HIRA: variants seen among roughly 807,000 people sequenced by gnomAD.
HIRA encodes histone cell cycle regulator.
HIRA carries 13 observed loss-of-function variants against 126.6 expected under a neutral mutation model. The ratio of observed to expected loss-of-function variants is 0.10; its 90% CI spans 0.07 to 0.16. The LOEUF (loss-of-function observed/expected upper bound fraction) is 0.16. Among genes scored for constraint, HIRA ranks in the 10% least tolerant of loss-of-function variants. The probability of loss-of-function intolerance (pLI) is 1.00; values close to 1 mark genes in which losing one functional copy is unlikely to be tolerated. For missense variants in HIRA, 834 were observed against 1,314.4 expected, an observed-to-expected ratio of 0.63 and a Z score of 5.65; for synonymous variants, 511 against 520.0, an observed-to-expected ratio of 0.98 and a Z score of 0.24.
At position 19,330,960 on chromosome 22, in the gene HIRA, G is replaced by A. The variant is rs909645350; in HGVS notation, c.*480C>T. On this transcript the variant is annotated 3_prime_UTR_variant, in exon 25 of 25. Transcript: ENST00000263208. ...AAAGGAAATTCAATATTACAAGTTA[G>A]CAAATTCTAGTACAAAAATAGTCCG... is the stretch of plus-strand genomic sequence containing the variant. The A allele has an allele frequency of 4.2e-5, 11 of 264,332 alleles. No homozygotes were observed. Among genetic ancestry groups the A allele is most frequent in the African/African-American group, 2.4e-4 (11 of 45,040 alleles). 16.4% of individuals were successfully genotyped at this position (264,332 alleles called of 1,614,324 possible).
intron 5 of HIRA, chr22:19,399,178 G>T (rs887584367): frequency 3.0e-6 from 3 of 984,928 alleles, no homozygotes; most frequent in African/African-American, 1.7e-5. Context: ...TCTAACCTCA[G>T]CGCCTGGTGC....
At chr22:19,332,079 C>T (rs2088495428) in intron 24 of HIRA, among the ~76,000 whole-genome samples, 1 of 152,192 alleles carries the variant, frequency 6.6e-6, no homozygotes, top group Non-Finnish European at 1.5e-5. Flanking sequence ...GCTTAGTTGC[C>T]TAAACATCCT....
At chr22:19,427,480 C>T (rs943143499) in intron 1 of HIRA, among the ~76,000 whole-genome samples, 3 of 152,186 alleles carry the variant, frequency 2.0e-5, no homozygotes, top group Non-Finnish European at 4.4e-5. Context: ...ATGCTGATGT[C>T]TCAGTAGGAC....
chr22:19,401,330 A>G (rs1569307925), intron 5 of HIRA, among the ~76,000 whole-genome samples: 1 of 152,098 alleles, frequency 6.6e-6, no homozygotes, highest in Non-Finnish European at 1.5e-5. Flanking sequence ...GGGTCTCGCT[A>G]TGATGCCCAG....
At chr22:19,358,196 C>T (rs1429173603) in intron 18 of HIRA, among the ~76,000 whole-genome samples, 1 of 152,134 alleles carries the variant, frequency 6.6e-6, no homozygotes, top group Non-Finnish European at 1.5e-5. Context: ...GATGGGGTTT[C>T]AATATGTTGG....
chr22:19,366,508 T>G (rs1210308219), intron 15 of HIRA, among the ~76,000 whole-genome samples: 52 of 152,232 alleles, frequency 3.4e-4, no homozygotes, highest in Non-Finnish European at 1.5e-5. Flanking sequence ...AACAAGAGTT[T>G]GGAAGAAGCG....
chr22:19,373,563 G>C (rs1399292002), intron 15 of HIRA, among the ~76,000 whole-genome samples: 1 of 152,148 alleles, frequency 6.6e-6, no homozygotes, highest in African/African-American at 2.4e-5. Context: ...ATTAGACCAG[G>C]ATTTCGTTTG....
chr22:19,416,542 G>C (rs2089400491), intron 1 of HIRA, among the ~76,000 whole-genome samples: 1 of 152,088 alleles, frequency 6.6e-6, no homozygotes, highest in Non-Finnish European at 1.5e-5. Context: ...GTTTCACCAT[G>C]TTGCCCAGAC....
chr22:19,407,967 T>C (rs745383353), intron 3 of HIRA, among the ~76,000 whole-genome samples: 2 of 152,070 alleles, frequency 1.3e-5, no homozygotes, highest in Non-Finnish European at 2.9e-5. Flanking sequence ...CTGAGAGGCA[T>C]GTTGAGAGGA....
In HIRA at chr22:19,390,097, G is replaced by A. The variant is rs369331336; in HGVS notation, c.937-1543C>T. ...CAAGACTGCTCCCTGCACTGCATGCGGAGGTGTCTCTTACCACACAGTCAG... is the reference window on the plus strand; with the variant it reads ...CAAGACTGCTCCCTGCACTGCATGCAGAGGTGTCTCTTACCACACAGTCAG... On this transcript the variant is annotated intron_variant, in intron 9 of 24. Transcript: ENST00000263208. Among the ~76,000 whole-genome samples the A allele has an allele frequency of 6.3e-4, 96 of 152,192 alleles. 2 individuals carry two copies. The South Asian group carries it at 0.018, about 29-fold the overall frequency.
chr22:19,405,574 G>T (rs969896988), intron 5 of HIRA: 1 of 908,954 alleles, frequency 1.1e-6, no homozygotes, highest in Non-Finnish European at 1.3e-6. Context: ...GGGCAAGAGT[G>T]GGGAGACTGA....
Position 19,405,738 on chromosome 22 carries a change from G to A in HIRA, c.397+48C>T, listed in dbSNP as rs373100814. ...GGGGACGTGGCGGTGCTGCTGATCT[G>A]AGCCAGGTGTCAGGGGCCCACCCAC... On this transcript the variant is annotated intron_variant, in intron 5 of 24. Coordinates refer to ENST00000263208, the MANE Select transcript of HIRA (RefSeq NM_003325.4). 6 of 1,292,414 alleles carry A rather than the reference G, an allele frequency of 4.6e-6. No homozygotes were observed. The South Asian group carries it at 8.0e-5, about 17-fold the overall frequency. 80.1% of individuals were successfully genotyped at this position (1,292,414 alleles called of 1,614,324 possible).
intron 24 of HIRA, among the ~76,000 whole-genome samples, chr22:19,332,622 G>GT (rs1238950454): frequency 1.1e-4 from 17 of 150,262 alleles, no homozygotes; most frequent in African/African-American, 2.9e-4. Context: ...CAAGAGAATG[G>GT]TAAAAAAAAA....
At chr22:19,394,531 G>T (rs1192111555) in intron 7 of HIRA, 22 bp from the exon 8 acceptor site, 1 of 1,609,856 alleles carries the variant, frequency 6.2e-7, no homozygotes, top group Admixed American at 1.7e-5. Context: ...ATCTGCACTT[G>T]AAAGGAGCTC....
chr22:19,407,747 T>C (rs906327508), intron 3 of HIRA, among the ~76,000 whole-genome samples: 15 of 152,210 alleles, frequency 9.9e-5, no homozygotes, highest in African/African-American at 2.4e-4. Context: ...GAGCCAGCCC[T>C]GTCACATTCG....
chr22:19,415,444 AT>A (rs2089388269), intron 1 of HIRA, among the ~76,000 whole-genome samples: 1 of 152,252 alleles, frequency 6.6e-6, no homozygotes, highest in Non-Finnish European at 1.5e-5. Flanking sequence ...AAAGACACAA[AT>A]AAATGAAAAA....
intron 4 of HIRA, among the ~76,000 whole-genome samples, chr22:19,406,416 G>A (rs184126367): frequency 1.3e-5 from 2 of 152,250 alleles, no homozygotes; most frequent in East Asian, 3.9e-4. Context: ...TGACATCTGA[G>A]GCAGAGAAAC....
At chr22:19,420,482 C>CAAAAAAAAAAAAAAAAAAAAAAAAAA in intron 1 of HIRA, among the ~76,000 whole-genome samples, 1 of 110,344 alleles carries the variant, frequency 9.1e-6, no homozygotes. Context: ...AAAAAAAAAA[C>CAAAAAAAAAAAAAAAAAAAAAAAAAA]CAAACCAAAA....
chr22:19,412,044 G>T (rs550731827), intron 1 of HIRA, among the ~76,000 whole-genome samples: 1 of 152,354 alleles, frequency 6.6e-6, no homozygotes, highest in South Asian at 2.1e-4. Flanking sequence ...TATAGGTTGA[G>T]TATCCCTTAT....
Sources: gnomAD v4.1 joint callset for allele counts (sites outside exome capture counted in the v4.1 genomes callset) on GRCh38, gnomAD v4.1.1 for gene constraint, MANE v1.5 for transcripts, NCBI Gene and HGNC (gene_info 2026-07-23, HGNC 2026-07-21) for gene names.